TMEM71: variants seen among roughly 807,000 people sequenced by gnomAD.
The protein encoded by TMEM71 is transmembrane protein 71.
In TMEM71, 44 loss-of-function variants were observed where a neutral mutation model predicts 38.0. That is an observed-to-expected ratio of 1.16 (90% CI 0.91 to 1.49). TMEM71 has a LOEUF of 1.49. Among genes scored for constraint, TMEM71 ranks in the 40% most tolerant of loss-of-function variants. The probability of loss-of-function intolerance (pLI) is 0.00; values close to 1 mark genes in which losing one functional copy is unlikely to be tolerated. For missense variants in TMEM71, 367 were observed against 348.6 expected (o/e 1.05, Z -0.42); for synonymous variants, 133 against 122.5 (o/e 1.09, Z -0.56).
chr8:132,736,228 T>C (rs1260998038), intron 5 of TMEM71, among the ~76,000 whole-genome samples: 1 of 152,178 alleles, frequency 6.6e-6, no homozygotes, highest in African/African-American at 2.4e-5. Context: ...ACCCTACACC[T>C]TAGAAAACAT....
chr8:132,711,941 C>T (rs977577683), intron 9 of TMEM71, among the ~76,000 whole-genome samples: 1 of 151,218 alleles, frequency 6.6e-6, no homozygotes, highest in African/African-American at 2.4e-5. Flanking sequence ...TCTTGATTCT[C>T]GATATTAATA....
At chr8:132,758,079 T>C (rs903731752) in intron 2 of TMEM71, 1 of 152,184 alleles carries the variant, frequency 6.6e-6, no homozygotes. Context: ...AAGACATTAG[T>C]GGGGAAGAAA....
At chr8:132,750,876 C>A (rs1031686001) in intron 4 of TMEM71, among the ~76,000 whole-genome samples, 1 of 152,146 alleles carries the variant, frequency 6.6e-6, no homozygotes, top group Non-Finnish European at 1.5e-5. Context: ...TGCTTGACCT[C>A]CCACATCTTT....
chr8:132,766,432 ATTG>A, the TMEM71 span, among the ~76,000 whole-genome samples: 18 of 151,834 alleles, frequency 1.2e-4, no homozygotes, highest in African/African-American at 4.4e-4. Context: ...AGAACTGGGA[ATTG>A]TTGTATAATT....
chr8:132,765,780 T>C, the TMEM71 span, among the ~76,000 whole-genome samples: 5 of 150,592 alleles, frequency 3.3e-5, no homozygotes, highest in African/African-American at 1.2e-4. Context: ...ATTATTACTA[T>C]TATTATTATT....
At chr8:132,761,434 G>A (rs908026337), upstream of TMEM71, among the ~76,000 whole-genome samples, 2 of 152,222 alleles carry the variant, frequency 1.3e-5, no homozygotes, top group African/African-American at 4.8e-5. Flanking sequence ...AGATGTGCAA[G>A]GTGTATTCTT....
intron 7 of TMEM71, among the ~76,000 whole-genome samples, chr8:132,716,296 C>T (rs780186555): frequency 5.3e-5 from 8 of 152,202 alleles, no homozygotes; most frequent in Admixed American, 2.6e-4. Flanking sequence ...CCAGACCCCA[C>T]ATTTGTTTGC....
At chr8:132,769,528 A>G in the TMEM71 span, among the ~76,000 whole-genome samples, 1 of 152,206 alleles carries the variant, frequency 6.6e-6, no homozygotes, top group Non-Finnish European at 1.5e-5. Flanking sequence ...AAATTAATAT[A>G]CTGAAGCCCT....
intron 8 of TMEM71, 27 bp downstream of exon 8, chr8:132,714,127 G>T: frequency 6.2e-7 from 1 of 1,607,724 alleles, no homozygotes; most frequent in South Asian, 1.1e-5. Flanking sequence ...AGGCATCATT[G>T]CAGTAATCTG....
intron 7 of TMEM71, among the ~76,000 whole-genome samples, chr8:132,715,550 T>TA (rs1826480568): frequency 6.6e-6 from 1 of 152,012 alleles, no homozygotes; most frequent in Non-Finnish European, 1.5e-5. Flanking sequence ...AACTTAGACT[T>TA]ACCATATAAC....
At chr8:132,749,738 C>T (rs770125995) in intron 4 of TMEM71, among the ~76,000 whole-genome samples, 2 of 152,030 alleles carry the variant, frequency 1.3e-5, no homozygotes, top group Admixed American at 6.6e-5. Context: ...AATCTGGGCC[C>T]GGCACAGTGG....
At chr8:132,770,879 TCAAA>T in the TMEM71 span, among the ~76,000 whole-genome samples, 3 of 152,232 alleles carry the variant, frequency 2.0e-5, no homozygotes, top group Non-Finnish European at 4.4e-5. Flanking sequence ...TTGAATTTTA[TCAAA>T]CAGTGTTGCA....
chr8:132,721,640 G>A (rs1054260177), intron 7 of TMEM71, among the ~76,000 whole-genome samples: 2 of 150,526 alleles, frequency 1.3e-5, no homozygotes, highest in Non-Finnish European at 3.0e-5. Context: ...TCTGCCTCCC[G>A]GGTTCAAGCA....
chr8:132,706,307 C>A (rs1826094036), downstream of TMEM71, among the ~76,000 whole-genome samples: 2 of 152,106 alleles, frequency 1.3e-5, no homozygotes, highest in African/African-American at 4.8e-5. Context: ...GCCCCATGGT[C>A]TTACCCTTCT....
intron 5 of TMEM71, among the ~76,000 whole-genome samples, chr8:132,737,229 G>A (rs564498008): frequency 4.6e-5 from 7 of 152,262 alleles, no homozygotes; most frequent in Admixed American, 2.6e-4. Flanking sequence ...AATTGTATAC[G>A]TTAAGTTGGT....
intron 4 of TMEM71, 140 bp downstream of exon 4, chr8:132,751,645 C>T (rs1447444069): frequency 2.7e-6 from 2 of 749,534 alleles, no homozygotes; most frequent in African/African-American, 1.8e-5. Context: ...GTTGACAGGT[C>T]CCCTCTTACC....
chr8:132,748,068 C>G (rs1181303175), intron 4 of TMEM71, among the ~76,000 whole-genome samples: 1 of 152,168 alleles, frequency 6.6e-6, no homozygotes, highest in Non-Finnish European at 1.5e-5. Flanking sequence ...GCTGAGCACA[C>G]TGTACTGGCA....
At chr8:132,746,906 T>C in intron 5 of TMEM71, 36 bp downstream of exon 5, 1 of 1,521,292 alleles carries the variant, frequency 6.6e-7, no homozygotes, top group East Asian at 2.3e-5. Flanking sequence ...CACTTGGAGA[T>C]AAAATTTTAC....
chr8:132,767,867 A>C, the TMEM71 span, among the ~76,000 whole-genome samples: 1 of 152,158 alleles, frequency 6.6e-6, no homozygotes, highest in East Asian at 1.9e-4. Flanking sequence ...ATTCATGGGC[A>C]TGTCTCTGAA....
Sources: allele counts gnomAD v4.1 joint callset (sites outside exome capture counted in the v4.1 genomes callset), GRCh38; gene constraint gnomAD v4.1.1; transcripts MANE v1.5; gene names NCBI Gene and HGNC (gene_info 2026-07-23, HGNC 2026-07-21).